The following DPYD variants were observed in gnomAD, a reference collection of about 807,000 sequenced individuals.
DPYD encodes dihydropyrimidine dehydrogenase [NADP(+)].
A neutral mutation model predicts 116.2 loss-of-function variants in DPYD; 109 were observed. The observed-to-expected ratio is 0.94, with a 90% CI of 0.80 to 1.10. The LOEUF is 1.10. Ranked by LOEUF, DPYD falls within the 50% of genes least tolerant of loss-of-function variation. DPYD has a pLI of 0.00. For missense variants in DPYD, 1,302 were observed against 1,254.5 expected (o/e 1.04, Z -0.57); for synonymous variants, 440 against 432.0 (o/e 1.02, Z -0.23).
At chr1:97,881,093 G>A (rs1016743730) in intron 2 of DPYD, among the ~76,000 whole-genome samples, 1 of 151,928 alleles carries the variant, frequency 6.6e-6, no homozygotes, top group Non-Finnish European at 1.5e-5. Flanking sequence ...TAATTTTAAA[G>A]TATTGTTATG....
chr1:97,911,222 T>A (rs1673916141), intron 1 of DPYD, among the ~76,000 whole-genome samples: 1 of 152,060 alleles, frequency 6.6e-6, no homozygotes, highest in Admixed American at 6.6e-5. Context: ...CATTGATGAT[T>A]CCCTTCTAGG....
chr1:97,410,423 C>T (rs1673917883), intron 14 of DPYD, among the ~76,000 whole-genome samples: 1 of 152,124 alleles, frequency 6.6e-6, no homozygotes, highest in Non-Finnish European at 1.5e-5. Flanking sequence ...GTATATTTGA[C>T]ATTAAATAGT....
intron 13 of DPYD, among the ~76,000 whole-genome samples, chr1:97,511,952 A>T (rs940778160): frequency 6.6e-6 from 1 of 151,962 alleles, no homozygotes; most frequent in African/African-American, 2.4e-5. Flanking sequence ...ACACGTATAG[A>T]TGCACTATAG....
intron 8 of DPYD, among the ~76,000 whole-genome samples, chr1:97,596,543 T>C (rs1360342889): frequency 1.3e-4 from 20 of 152,048 alleles, no homozygotes; most frequent in African/African-American, 2.4e-5. Context: ...GGGGAAAACA[T>C]GTAGTTTTAT....
In DPYD at chr1:97,895,884, CA is replaced by C. The variant is rs551714572; in HGVS notation, c.40-12511del. ...ATTAGCTGTATATGCAGTATGGAGT[CA>C]CATCAAGATATCCCAATTTTTTTAC... On this transcript the variant is annotated intron_variant, in intron 1 of 22. Coordinates refer to ENST00000370192, the MANE Select transcript of DPYD (RefSeq NM_000110.4). Among the ~76,000 whole-genome samples, 241 of 151,770 alleles carry C rather than the reference CA, an allele frequency of 1.6e-3. 2 individuals carry two copies. The highest frequency in any genetic ancestry group is 5.4e-3 in the African/African-American group (225 of 41,458).
intron 1 of DPYD, among the ~76,000 whole-genome samples, chr1:97,885,035 A>G (rs1240023029): frequency 1.3e-5 from 2 of 152,022 alleles, no homozygotes; most frequent in African/African-American, 2.4e-5. Context: ...AACCCTAAAA[A>G]TTGAAGTGTA....
intron 18 of DPYD, among the ~76,000 whole-genome samples, chr1:97,285,584 G>T (rs567208736): frequency 2.0e-5 from 3 of 151,892 alleles, no homozygotes; most frequent in Admixed American, 1.3e-4. Context: ...ATCACTCAAA[G>T]TTTAAATCCA....
chr1:97,382,780 T>C (rs1672049545), intron 14 of DPYD, among the ~76,000 whole-genome samples: 1 of 152,142 alleles, frequency 6.6e-6, no homozygotes, highest in South Asian at 2.1e-4. Flanking sequence ...CCTCTGAAAG[T>C]AGCAATGTAA....
chr1:97,529,260 C>T (rs943244784), intron 12 of DPYD, among the ~76,000 whole-genome samples: 7 of 152,120 alleles, frequency 4.6e-5, no homozygotes, highest in African/African-American at 1.7e-4. Context: ...AAAATATTTC[C>T]TTAGCATATA....
intron 18 of DPYD, among the ~76,000 whole-genome samples, chr1:97,289,161 G>C (rs1185881486): frequency 4.6e-5 from 7 of 152,042 alleles, no homozygotes; most frequent in South Asian, 4.2e-4. Flanking sequence ...TCTGAATAGA[G>C]CAATAACAGG....
intron 21 of DPYD, among the ~76,000 whole-genome samples, chr1:97,093,281 T>G (rs1299375293): frequency 6.6e-6 from 1 of 152,210 alleles, no homozygotes; most frequent in African/African-American, 2.4e-5. Flanking sequence ...TCCTAGTGCA[T>G]TGCTTATCTC....
chr1:97,821,547 T>C (rs569280661), intron 3 of DPYD, among the ~76,000 whole-genome samples: 2 of 152,258 alleles, frequency 1.3e-5, no homozygotes, highest in East Asian at 3.9e-4. Flanking sequence ...ATTATCATAC[T>C]ATAAACCAGA....
chr1:97,251,426 GAA>G (rs992276482), intron 18 of DPYD, among the ~76,000 whole-genome samples: 1 of 135,308 alleles, frequency 7.4e-6, no homozygotes, highest in East Asian at 2.2e-4. Flanking sequence ...AAGAAAAAAA[GAA>G]AAAAAATGAA....
intron 20 of DPYD, among the ~76,000 whole-genome samples, chr1:97,151,139 T>C (rs977669970): frequency 6.6e-6 from 1 of 152,222 alleles, no homozygotes; most frequent in Non-Finnish European, 1.5e-5. Context: ...TCTCGTAACA[T>C]TCTTCTATGA....
At chr1:97,822,408 A>C (rs1245698713) in intron 3 of DPYD, among the ~76,000 whole-genome samples, 3 of 148,182 alleles carry the variant, frequency 2.0e-5, no homozygotes, top group African/African-American at 4.9e-5. Flanking sequence ...ATATATTTAT[A>C]TGTAATATAT....
chr1:97,512,817 A>G (rs1647904606), intron 13 of DPYD, among the ~76,000 whole-genome samples: 1 of 151,868 alleles, frequency 6.6e-6, no homozygotes, highest in Non-Finnish European at 1.5e-5. Flanking sequence ...TTTCATAACT[A>G]TATTTTAAAT....
chr1:97,752,223 T>C (rs1047259618), intron 3 of DPYD, among the ~76,000 whole-genome samples: 57 of 152,002 alleles, frequency 3.7e-4, no homozygotes, highest in African/African-American at 1.4e-3. Flanking sequence ...TACAAGTTTA[T>C]TTGGTAGTTT....
At chr1:97,337,900 C>A (rs757754184) in intron 16 of DPYD, among the ~76,000 whole-genome samples, 5 of 152,150 alleles carry the variant, frequency 3.3e-5, no homozygotes, top group Non-Finnish European at 7.4e-5. Flanking sequence ...TCTGGCTACA[C>A]AAAGAACTTG....
intron 19 of DPYD, among the ~76,000 whole-genome samples, chr1:97,224,662 C>T (rs565312381): frequency 3.3e-5 from 5 of 151,978 alleles, no homozygotes; most frequent in Admixed American, 1.3e-4. Flanking sequence ...CTCTTTGTAA[C>T]CTTCCTACTT....
Sources: allele counts gnomAD v4.1 joint callset (sites outside exome capture counted in the v4.1 genomes callset), GRCh38; gene constraint gnomAD v4.1.1; transcripts MANE v1.5; gene names NCBI Gene and HGNC (gene_info 2026-07-23, HGNC 2026-07-21).